Variants in IAH1 observed in about 807,000 individuals in gnomAD.
IAH1 encodes the protein isoamyl acetate-hydrolyzing esterase 1 homolog.
Under a neutral mutation model 26.7 loss-of-function variants are expected in IAH1, and 24 were observed. The observed-to-expected ratio is 0.90, with a 90% CI of 0.65 to 1.26. The LOEUF is 1.26. Ranked by LOEUF, IAH1 falls within the 50% of genes most tolerant of loss-of-function variation. The pLI is 0.00. For synonymous variants in IAH1, 140 were observed against 118.5 expected, an observed-to-expected ratio of 1.18 and a Z score of -1.18; for missense variants, 300 against 299.9, an observed-to-expected ratio of 1.00 and a Z score of 0.00.
At chr2:9,493,968 C>T (rs1411442701), downstream of IAH1, 13 of 620,480 alleles carry the variant, frequency 2.1e-5, no homozygotes, top group East Asian at 5.8e-5. Context: ...CAATAACTTC[C>T]GCGTAATGAG....
At chr2:9,477,689 A>C (rs1223175139) in intron 2 of IAH1, among the ~76,000 whole-genome samples, 2 of 150,618 alleles carry the variant, frequency 1.3e-5, no homozygotes, top group South Asian at 2.1e-4. Context: ...CCCCCATTAC[A>C]CCTACAGTAC....
At chr2:9,474,315 C>T (rs138400369), upstream of IAH1, among the ~76,000 whole-genome samples, 10 of 152,298 alleles carry the variant, frequency 6.6e-5, no homozygotes, top group Non-Finnish European at 1.3e-4. The surrounding 1 kb of genome is among the most constrained non-coding windows in gnomAD (Gnocchi z 4.3). Context: ...TTAGAAGGGC[C>T]CCCAACCGCT....
At chr2:9,481,592 T>G in intron 4 of IAH1, 145 bp downstream of exon 4, 1 of 729,834 alleles carries the variant, frequency 1.4e-6, no homozygotes, top group Non-Finnish European at 2.2e-6. Context: ...CCAAAATTAT[T>G]AAATTATAGC....
intron 4 of IAH1, among the ~76,000 whole-genome samples, chr2:9,482,032 CTTT>C (rs58813442): frequency 3.0e-5 from 4 of 134,626 alleles, no homozygotes; most frequent in Non-Finnish European, 3.1e-5. Flanking sequence ...TGGAAGTTCT[CTTT>C]TTTTTTTTTT....
upstream of IAH1, chr2:9,474,519 G>A: frequency 1.6e-6 from 2 of 1,260,358 alleles, no homozygotes; most frequent in Admixed American, 3.5e-5. The surrounding 1 kb of genome is among the most constrained non-coding windows in gnomAD (Gnocchi z 4.3). Flanking sequence ...CCACTGCGCA[G>A]GCGCCTCTCG....
chr2:9,492,937 CAAG>C, downstream of IAH1: 1 of 1,612,926 alleles, frequency 6.2e-7, no homozygotes, highest in Non-Finnish European at 8.5e-7. Context: ...TCCAAAATAT[CAAG>C]GAGAAAACCA....
downstream of IAH1, chr2:9,494,515 A>G (rs1662409682): frequency 2.6e-6 from 3 of 1,144,512 alleles, no homozygotes; most frequent in Non-Finnish European, 3.7e-6. Flanking sequence ...GTAGATAACA[A>G]TGGGCCAGAA....
downstream of IAH1, chr2:9,490,282 C>T (rs1662014625): frequency 1.2e-6 from 2 of 1,614,154 alleles, no homozygotes; most frequent in Non-Finnish European, 1.7e-6. Flanking sequence ...CCTCAAATGA[C>T]TTGGCAGCTG....
In IAH1 at chr2:9,474,633, G is replaced by A; in HGVS notation, c.67G>A (p.Asp23Asn). The change falls in exon 1 of 6, where the codon GAC becomes AAC. Residue 23 changes from aspartate to asparagine, a missense_variant. By Grantham distance (23) the Asp-to-Asn change is conservative (BLOSUM62 1). Coordinates refer to ENST00000497473, the MANE Select transcript of IAH1 (RefSeq NM_001039613.3). The surrounding 1 kb of genome is among the most constrained non-coding windows in gnomAD (Gnocchi z 4.3). ...LLWPRLLLFG[D>N]SITQFSFQQG... ...CTGGCCTCGCTTGTTGCTCTTCGGGGACTCCATCACCCAGGTACGGCCGCC... is the reference window on the plus strand; with the variant it reads ...CTGGCCTCGCTTGTTGCTCTTCGGGAACTCCATCACCCAGGTACGGCCGCC... The A allele has an allele frequency of 2.6e-6, 4 of 1,555,462 alleles. No individual in the cohort carries two copies. The highest frequency in any genetic ancestry group is 2.6e-6 in the Non-Finnish European group (3 of 1,154,262).
intron 2 of IAH1, among the ~76,000 whole-genome samples, chr2:9,477,120 A>C (rs1052720434): frequency 2.6e-5 from 4 of 151,396 alleles, no homozygotes; most frequent in Admixed American, 6.6e-5. Context: ...TACACACACA[A>C]ACAATCTCTT....
chr2:9,478,239 A>G lies in IAH1; in HGVS notation c.152A>G (p.Asn51Ser), dbSNP rs751539226. ...CGTTTCAGAAAATGTGATGTTCTGAATCGTGGATTTTCAGGTTACAATACC... is the reference window on the plus strand; with the variant it reads ...CGTTTCAGAAAATGTGATGTTCTGAGTCGTGGATTTTCAGGTTACAATACC... ...DRLVRKCDVL[N>S]RGFSGYNTRW... The change falls in exon 3 of 6, where the codon AAT (asparagine) becomes AGT (serine). Residue 51 changes from asparagine to serine, a missense_variant. Coordinates refer to ENST00000497473, the MANE Select transcript of IAH1 (RefSeq NM_001039613.3). 3 of 1,607,168 alleles carry G rather than the reference A, an allele frequency of 1.9e-6. No homozygotes were observed. The highest frequency in any genetic ancestry group is 2.5e-6 in the Non-Finnish European group (3 of 1,177,674).
rs1661759876 is a variant in IAH1 at position 9,488,410 on chromosome 2, G to A, written c.*81G>A. 8.9e-7 allele frequency: 1 copy of A among 1,123,736 alleles called. No homozygotes were observed. Among genetic ancestry groups the A allele is most frequent in the Non-Finnish European group, 1.3e-6 (1 of 799,504 alleles). The allele number at this position is 1,123,736 out of a possible 1,614,324, so 69.6% of individuals were successfully genotyped here. On this transcript the variant is annotated 3_prime_UTR_variant, in exon 6 of 6. Transcript: ENST00000497473. ...ACGTAGAGGTACGCTTTTTTCCTCA[G>A]GCTTAAACCTTTGCCACTGATATTA...
At chr2:9,482,334 T>C (rs1262063447) in intron 4 of IAH1, among the ~76,000 whole-genome samples, 1 of 152,064 alleles carries the variant, frequency 6.6e-6, no homozygotes, top group Non-Finnish European at 1.5e-5. Context: ...GGACTGGAAG[T>C]TTTCTAAGCT....
upstream of IAH1, among the ~76,000 whole-genome samples, chr2:9,474,118 G>A (rs1475031180): frequency 1.3e-5 from 2 of 152,166 alleles, no homozygotes; most frequent in African/African-American, 2.4e-5. This position sits in a 1 kb window ranked among gnomAD's most constrained non-coding sequence, Gnocchi z 4.3. Context: ...GTCCTCGTGG[G>A]TGTTACAGGC....
chr2:9,510,461 C>T, the IAH1 span, among the ~76,000 whole-genome samples: 30 of 151,748 alleles, frequency 2.0e-4, no homozygotes, highest in Non-Finnish European at 2.2e-4. Context: ...GTCAGGAGTT[C>T]GAGACCAGCC....
At chr2:9,500,636 CAGAT>C (rs1182244166), downstream of IAH1, among the ~76,000 whole-genome samples, 1 of 151,914 alleles carries the variant, frequency 6.6e-6, no homozygotes, top group South Asian at 2.1e-4. Context: ...AAGAATGGGA[CAGAT>C]AGATATATCA....
chr2:9,508,295 C>CA, the IAH1 span, among the ~76,000 whole-genome samples: 6 of 152,290 alleles, frequency 3.9e-5, no homozygotes, highest in South Asian at 1.2e-3. Context: ...AGGATGGTAT[C>CA]ATGAATGCCC....
At chr2:9,497,811 G>C (rs949680174), downstream of IAH1, among the ~76,000 whole-genome samples, 3 of 152,160 alleles carry the variant, frequency 2.0e-5, no homozygotes, top group African/African-American at 7.2e-5. Flanking sequence ...AGGATGCTAA[G>C]TTGATGTGGC....
At chr2:9,494,823 C>T (rs1418247659) in exon 6 of IAH1, 2 of 1,596,418 alleles carry the variant, frequency 1.3e-6, no homozygotes, top group African/African-American at 1.4e-5. Context: ...GCCTCTCCTC[C>T]TGCCTCCTCT....
Sources: allele counts gnomAD v4.1 joint callset (sites outside exome capture counted in the v4.1 genomes callset), GRCh38; gene constraint gnomAD v4.1.1; non-coding constraint Gnocchi (gnomAD v3.1); transcripts MANE v1.5; gene names NCBI Gene and HGNC (gene_info 2026-07-23, HGNC 2026-07-21).